The following AP3B1 variants were observed in gnomAD, a reference collection of about 807,000 sequenced individuals.
The protein encoded by AP3B1 is adaptor related protein complex 3 subunit beta 1, also known as AP-3 complex subunit beta-1.
A neutral mutation model predicts 132.5 loss-of-function variants in AP3B1; 61 were observed. The observed-to-expected ratio is 0.46, with a 90% confidence interval of 0.37 to 0.57. The LOEUF (loss-of-function observed/expected upper bound fraction) is 0.57. AP3B1 is among the 20% of genes least tolerant of loss of function. The pLI is 0.00. For synonymous variants in AP3B1, 388 were observed against 438.3 expected (o/e 0.89, Z 1.43); for missense variants, 1,120 against 1,289.4 (o/e 0.87, Z 2.01).
intron 1 of AP3B1, among the ~76,000 whole-genome samples, chr5:78,284,347 C>A (rs1749183033): frequency 6.6e-6 from 1 of 152,146 alleles, no homozygotes; most frequent in Non-Finnish European, 1.5e-5. Flanking sequence ...AGTATTCATT[C>A]TTTTGCAAGG....
At chr5:78,101,888 T>C (rs1751141872) in intron 20 of AP3B1, among the ~76,000 whole-genome samples, 1 of 152,132 alleles carries the variant, frequency 6.6e-6, no homozygotes, top group African/African-American at 2.4e-5. Flanking sequence ...AAAGTTTATC[T>C]TTCTAATCTA....
intron 26 of AP3B1, among the ~76,000 whole-genome samples, chr5:78,006,834 T>C (rs1474570782): frequency 6.6e-6 from 1 of 152,248 alleles, no homozygotes; most frequent in African/African-American, 2.4e-5. Context: ...GTATTTCATC[T>C]TATTAAATGT....
chr5:78,041,550 C>T (rs999287762), intron 22 of AP3B1, among the ~76,000 whole-genome samples: 2 of 151,202 alleles, frequency 1.3e-5, no homozygotes, highest in East Asian at 3.9e-4. Context: ...CAGAGCAAGA[C>T]CCTGTCTCAA....
At position 78,288,774 on chromosome 5, in the gene AP3B1, G is replaced by A. The variant is rs537455501; in HGVS notation, c.128+5678C>T. 1.1e-3 allele frequency among the ~76,000 whole-genome samples: 161 copies of A among 152,224 alleles called. 1 individual carries two copies. The highest frequency in any genetic ancestry group is 3.8e-3 in the African/African-American group (156 of 41,554). ...TCACACAAATCACAGTCTTTAATATGAGCAGAATGTGTGAACGATTTATCT... is the reference window on the plus strand; with the variant it reads ...TCACACAAATCACAGTCTTTAATATAAGCAGAATGTGTGAACGATTTATCT... On this transcript the variant is annotated intron_variant, in intron 1 of 26. Transcript: ENST00000255194.
intron 15 of AP3B1, among the ~76,000 whole-genome samples, chr5:78,135,701 T>A (rs370860393): frequency 6.6e-6 from 1 of 152,200 alleles, no homozygotes; most frequent in African/African-American, 2.4e-5. Context: ...CATTAACTTA[T>A]AGCACTTATC....
intron 23 of AP3B1, 114 bp downstream of exon 23, chr5:78,038,929 A>T: frequency 1.5e-6 from 1 of 676,080 alleles, no homozygotes; most frequent in Non-Finnish European, 2.5e-6. Context: ...CTAATTGTCA[A>T]TACAATCATA....
chr5:78,081,905 A>T lies in AP3B1; in HGVS notation c.2577+7488T>A, dbSNP rs968059064. On this transcript the variant is annotated intron_variant, in intron 22 of 26. Coordinates refer to ENST00000255194, the MANE Select transcript of AP3B1 (RefSeq NM_003664.5). Reference sequence around the variant, plus strand: ...TTTTAGTATGAATTCTTTGCAATAAAAAAAAAAAACAGTTATAATCCCATC... The same window carrying T: ...TTTTAGTATGAATTCTTTGCAATAATAAAAAAAAACAGTTATAATCCCATC... Among the ~76,000 whole-genome samples, 134 of 149,954 alleles carry T rather than the reference A, an allele frequency of 8.9e-4. 1 individual carries two copies. Among genetic ancestry groups the T allele is most frequent in the African/African-American group, 3.2e-3 (129 of 39,836 alleles).
intron 2 of AP3B1, among the ~76,000 whole-genome samples, chr5:78,260,524 G>T (rs2112551633): frequency 6.6e-6 from 1 of 152,120 alleles, no homozygotes; most frequent in East Asian, 1.9e-4. Flanking sequence ...AACCCAGAAG[G>T]CGGAGGTTGC....
intron 2 of AP3B1, among the ~76,000 whole-genome samples, chr5:78,263,442 T>C (rs2112556615): frequency 6.6e-6 from 1 of 152,288 alleles, no homozygotes; most frequent in South Asian, 2.1e-4. Flanking sequence ...ATGATGTGAA[T>C]AAAAATAATT....
chr5:78,283,015 AG>A (rs1749125131), intron 1 of AP3B1, among the ~76,000 whole-genome samples: 1 of 152,188 alleles, frequency 6.6e-6, no homozygotes, highest in East Asian at 1.9e-4. Context: ...AAACCAAAAA[AG>A]AAAAATGAAA....
chr5:78,047,091 C>T (rs1561372951), intron 22 of AP3B1, among the ~76,000 whole-genome samples: 2 of 152,124 alleles, frequency 1.3e-5, no homozygotes, highest in Non-Finnish European at 2.9e-5. Context: ...TTTCTTTATC[C>T]AGTCTATCAT....
intron 3 of AP3B1, among the ~76,000 whole-genome samples, chr5:78,230,427 T>C (rs1029573632): frequency 1.3e-4 from 19 of 151,790 alleles, no homozygotes; most frequent in African/African-American, 4.4e-4. Context: ...ATCTATACTA[T>C]ACGGGTAGAG....
intron 14 of AP3B1, among the ~76,000 whole-genome samples, chr5:78,150,365 G>A (rs1753591617): frequency 6.6e-6 from 1 of 152,160 alleles, no homozygotes. Flanking sequence ...AAAAGATCAA[G>A]GAAGATAGGG....
At chr5:78,026,018 C>T (rs72774596) in intron 24 of AP3B1, among the ~76,000 whole-genome samples, 1 of 152,090 alleles carries the variant, frequency 6.6e-6, no homozygotes, top group African/African-American at 2.4e-5. Context: ...TAAGCATCTC[C>T]TTTTCTACCA....
rs1181601782 is a variant in AP3B1 at position 78,278,598 on chromosome 5, C to CAAA, written c.129-11006_129-11004dup. On this transcript the variant is annotated intron_variant, in intron 1 of 26. Coordinates refer to ENST00000255194, the MANE Select transcript of AP3B1 (RefSeq NM_003664.5). ...TGGGCGACAGAGCGAGACTCCGTCT[C>CAAA]AAAAAAAAAAAAAAAAAAAAAAAAA... Among the ~76,000 whole-genome samples the CAAA allele has an allele frequency of 6.8e-4, 7 of 10,308 alleles. 1 individual carries two copies. The highest frequency in any genetic ancestry group is 1.5e-3 in the African/African-American group (5 of 3,374). The allele number at this position is 10,308 out of a possible 152,430, so 6.8% of individuals were successfully genotyped here. A position where few individuals can be genotyped will look rare whatever the true frequency, so the allele number is the denominator to read the frequency against.
At chr5:78,134,873 A>G (rs941997200) in intron 15 of AP3B1, among the ~76,000 whole-genome samples, 1 of 152,210 alleles carries the variant, frequency 6.6e-6, no homozygotes, top group Non-Finnish European at 1.5e-5. Flanking sequence ...ATGACTAAAC[A>G]GGATTCTTTA....
At chr5:78,207,363 G>C (rs1745552551) in intron 7 of AP3B1, among the ~76,000 whole-genome samples, 1 of 151,860 alleles carries the variant, frequency 6.6e-6, no homozygotes, top group African/African-American at 2.4e-5. Flanking sequence ...GAAGGGCGAA[G>C]CTGCAATGAA....
chr5:78,158,025 C>T (rs910290631), intron 13 of AP3B1, among the ~76,000 whole-genome samples: 2 of 152,086 alleles, frequency 1.3e-5, no homozygotes, highest in Admixed American at 6.5e-5. Context: ...CTGGGATTAC[C>T]GGTGTGAGCC....
At chr5:78,210,586 T>C (rs1745692555) in intron 7 of AP3B1, among the ~76,000 whole-genome samples, 1 of 152,184 alleles carries the variant, frequency 6.6e-6, no homozygotes, top group Non-Finnish European at 1.5e-5. Context: ...GGATTCATAT[T>C]CTAAAAAATA....
Sources: allele counts gnomAD v4.1 joint callset (sites outside exome capture counted in the v4.1 genomes callset), GRCh38; gene constraint gnomAD v4.1.1; transcripts MANE v1.5; gene names NCBI Gene and HGNC (gene_info 2026-07-23, HGNC 2026-07-21).